TRHDE: variants seen among roughly 807,000 people sequenced by gnomAD.
TRHDE encodes thyrotropin-releasing hormone-degrading ectoenzyme.
In TRHDE, 72 loss-of-function variants were observed where a neutral mutation model predicts 125.7. The observed-to-expected ratio is 0.57, with a 90% CI of 0.47 to 0.70. The LOEUF (loss-of-function observed/expected upper bound fraction) is 0.70. Among genes scored for constraint, TRHDE ranks in the 30% least tolerant of loss-of-function variants. The pLI, the probability that TRHDE is intolerant of heterozygous loss-of-function variation, is 0.00. For synonymous variants in TRHDE, 509 were observed against 509.1 expected, an observed-to-expected ratio of 1.00 and a Z score of 0.00; for missense variants, 1,110 against 1,327.1, an observed-to-expected ratio of 0.84 and a Z score of 2.54.
chr12:72,397,447 G>A (rs771165772), intron 3 of TRHDE, among the ~76,000 whole-genome samples: 9 of 152,034 alleles, frequency 5.9e-5, no homozygotes, highest in Admixed American at 6.6e-5. Flanking sequence ...CACAAGTCAC[G>A]CTACATGAGT....
At chr12:72,598,118 C>T (rs1872055722) in intron 12 of TRHDE, among the ~76,000 whole-genome samples, 1 of 151,892 alleles carries the variant, frequency 6.6e-6, no homozygotes, top group Admixed American at 6.6e-5. Context: ...AGAAAAAACT[C>T]AAATGGTTTA....
intron 2 of TRHDE, among the ~76,000 whole-genome samples, chr12:72,173,019 T>C (rs893142699): frequency 1.3e-5 from 2 of 152,212 alleles, no homozygotes; most frequent in African/African-American, 4.8e-5. Context: ...TTTTTATTAG[T>C]GTATTGCACT....
At chr12:72,212,220 T>C (rs1608204) in intron 2 of TRHDE, among the ~76,000 whole-genome samples, 245 of 152,196 alleles carry the variant, frequency 1.6e-3, no homozygotes, top group African/African-American at 5.7e-3. Flanking sequence ...GGCTTATACG[T>C]GTTAAATTGA....
intron 2 of TRHDE, among the ~76,000 whole-genome samples, chr12:72,200,017 G>GT (rs1432478183): frequency 6.6e-6 from 1 of 152,172 alleles, no homozygotes; most frequent in Non-Finnish European, 1.5e-5. Flanking sequence ...TAGTGGGGAT[G>GT]TATGTGTGTC....
At chr12:72,599,069 T>C (rs1056256256) in intron 12 of TRHDE, among the ~76,000 whole-genome samples, 2 of 152,162 alleles carry the variant, frequency 1.3e-5, no homozygotes, top group African/African-American at 4.8e-5. Context: ...GACTTTATTT[T>C]TTATGGCTGC....
At chr12:72,376,906 A>G (rs1272979017) in intron 2 of TRHDE, among the ~76,000 whole-genome samples, 1 of 152,136 alleles carries the variant, frequency 6.6e-6, no homozygotes, top group Non-Finnish European at 1.5e-5. Context: ...AAAGAACACA[A>G]ATTCCCTTAT....
chr12:72,605,640 G>T (rs1038910800), intron 12 of TRHDE, among the ~76,000 whole-genome samples: 31 of 151,902 alleles, frequency 2.0e-4, no homozygotes, highest in African/African-American at 7.3e-4. Flanking sequence ...ACTCTAATTT[G>T]GAATACAGCA....
chr12:72,136,968 G>A (rs1876000172), intron 2 of TRHDE, among the ~76,000 whole-genome samples: 1 of 152,170 alleles, frequency 6.6e-6, no homozygotes, highest in South Asian at 2.1e-4. Context: ...CTCTGCAACA[G>A]GTTTCTGGAC....
intron 2 of TRHDE, among the ~76,000 whole-genome samples, chr12:72,289,304 A>G (rs983415548): frequency 6.6e-6 from 1 of 152,074 alleles, no homozygotes; most frequent in Non-Finnish European, 1.5e-5. Flanking sequence ...AATATTTGAG[A>G]CATCATCATC....
At chr12:72,241,242 A>G (rs571924194) in intron 2 of TRHDE, among the ~76,000 whole-genome samples, 162 of 152,278 alleles carry the variant, frequency 1.1e-3, no homozygotes, top group African/African-American at 3.8e-3. Context: ...CACCACTACA[A>G]TCAAGACACA....
intron 2 of TRHDE, among the ~76,000 whole-genome samples, chr12:72,354,783 G>A (rs903178203): frequency 6.0e-5 from 9 of 150,746 alleles, no homozygotes; most frequent in African/African-American, 1.7e-4. Context: ...CTCTGTGTGT[G>A]TGTATGTGTG....
At chr12:72,448,612 G>A (rs548428146) in intron 3 of TRHDE, among the ~76,000 whole-genome samples, 3 of 151,970 alleles carry the variant, frequency 2.0e-5, no homozygotes, top group South Asian at 2.1e-4. Context: ...TCAAAGTTGT[G>A]TCCGTTATGT....
intron 7 of TRHDE, among the ~76,000 whole-genome samples, chr12:72,552,458 C>T (rs1053298475): frequency 3.3e-5 from 5 of 152,008 alleles, no homozygotes; most frequent in Non-Finnish European, 5.9e-5. Context: ...CCTGGAAACA[C>T]GCCTTGAACA....
intron 12 of TRHDE, among the ~76,000 whole-genome samples, chr12:72,584,868 G>A (rs758988499): frequency 1.3e-5 from 2 of 152,178 alleles, no homozygotes; most frequent in African/African-American, 4.8e-5. Flanking sequence ...ATATGAAAGT[G>A]CAGATATCTC....
At chr12:72,301,362 T>A (rs1868258437) in intron 2 of TRHDE, among the ~76,000 whole-genome samples, 1 of 152,158 alleles carries the variant, frequency 6.6e-6, no homozygotes, top group Non-Finnish European at 1.5e-5. Flanking sequence ...TCTGTGGGAA[T>A]GTAAGAGATG....
Position 72,203,455 on chromosome 12 carries a change from G to C in TRHDE, n.279+97703G>C, listed in dbSNP as rs531636635. On this transcript the variant is annotated intron_variant and non_coding_transcript_variant, in intron 2 of 4. Coordinates refer to the TRHDE transcript ENST00000548156. The stretch of plus-strand genomic sequence containing the variant: ...TGCACTCCAGCCTGGGCGACAGAGC[G>C]AGACTCTGTCTCAAAAAAAATAAAA... 1.6e-4 allele frequency among the ~76,000 whole-genome samples: 25 copies of C among 152,042 alleles called. No individual in the cohort carries two copies. The South Asian group carries it at 5.0e-3, about 30-fold the overall frequency.
At chr12:72,158,164 G>C (rs1876559287) in intron 2 of TRHDE, among the ~76,000 whole-genome samples, 1 of 152,072 alleles carries the variant, frequency 6.6e-6, no homozygotes, top group African/African-American at 2.4e-5. Context: ...AAAGAAAAGT[G>C]AGAAAATTGC....
At chr12:72,131,563 T>G (rs1263440293) in intron 2 of TRHDE, among the ~76,000 whole-genome samples, 1 of 152,202 alleles carries the variant, frequency 6.6e-6, no homozygotes, top group Admixed American at 6.5e-5. Context: ...CATAAGAGTA[T>G]TTTTATTTTG....
At chr12:72,542,712 G>A (rs116102649) in intron 7 of TRHDE, among the ~76,000 whole-genome samples, 367 of 151,342 alleles carry the variant, frequency 2.4e-3, no homozygotes, top group African/African-American at 8.1e-3. Flanking sequence ...AGTGTTATTC[G>A]AATTATGTAT....
Sources: allele counts gnomAD v4.1 joint callset (sites outside exome capture counted in the v4.1 genomes callset), GRCh38; gene constraint gnomAD v4.1.1; transcripts MANE v1.5; gene names NCBI Gene and HGNC (gene_info 2026-07-23, HGNC 2026-07-21).